ASIC2: variants seen among roughly 807,000 people sequenced by gnomAD.
ASIC2 encodes acid sensing ion channel subunit 2.
A neutral mutation model predicts 57.3 loss-of-function variants in ASIC2; 25 were observed. The ratio of observed to expected loss-of-function variants is 0.44; its 90% CI spans 0.32 to 0.61. ASIC2 has a LOEUF of 0.61. Among genes scored for constraint, ASIC2 ranks in the 20% least tolerant of loss-of-function variants. ASIC2 has a pLI of 0.06. For synonymous variants in ASIC2, 319 were observed against 307.5 expected (o/e 1.04, Z -0.39); for missense variants, 641 against 738.1 (o/e 0.87, Z 1.52).
At chr17:34,010,477 C>T (rs186204213) in intron 1 of ASIC2, among the ~76,000 whole-genome samples, 1 of 152,260 alleles carries the variant, frequency 6.6e-6, no homozygotes, top group Non-Finnish European at 1.5e-5. Flanking sequence ...TCTCTGGGAC[C>T]TTGAGTTATC....
chr17:33,801,312 A>G (rs1014085439), intron 1 of ASIC2, among the ~76,000 whole-genome samples: 2 of 152,224 alleles, frequency 1.3e-5, no homozygotes, highest in Non-Finnish European at 2.9e-5. Flanking sequence ...CGCTGGGACT[A>G]AAATGGATCA....
intron 1 of ASIC2, among the ~76,000 whole-genome samples, chr17:34,119,336 CA>C (rs1911525661): frequency 6.6e-6 from 1 of 152,080 alleles, no homozygotes; most frequent in Non-Finnish European, 1.5e-5. Context: ...ATCTCTTCTA[CA>C]AAGCATTATT....
intron 1 of ASIC2, among the ~76,000 whole-genome samples, chr17:33,607,348 A>G (rs2142013304): frequency 6.6e-6 from 1 of 152,224 alleles, no homozygotes; most frequent in African/African-American, 2.4e-5. Flanking sequence ...GAGGAAACTC[A>G]CATTAGGGAC....
intron 1 of ASIC2, among the ~76,000 whole-genome samples, chr17:34,046,214 C>T (rs1242081698): frequency 6.6e-6 from 1 of 152,160 alleles, no homozygotes; most frequent in Non-Finnish European, 1.5e-5. Context: ...TGAGCCCTAA[C>T]CAATTTACCA....
At chr17:33,064,378 T>C (rs892784679) in intron 3 of ASIC2, among the ~76,000 whole-genome samples, 2 of 152,222 alleles carry the variant, frequency 1.3e-5, no homozygotes, top group Non-Finnish European at 2.9e-5. Flanking sequence ...TCCTTCTAAC[T>C]GTCAGAACCC....
chr17:33,237,353 T>A (rs1446399137), intron 1 of ASIC2, among the ~76,000 whole-genome samples: 3 of 113,252 alleles, frequency 2.6e-5, no homozygotes, highest in Non-Finnish European at 5.0e-5. Flanking sequence ...CACTTAGTAG[T>A]TTTTTTTTTT....
intron 1 of ASIC2, among the ~76,000 whole-genome samples, chr17:33,740,852 A>C (rs1424370128): frequency 6.6e-6 from 1 of 152,178 alleles, no homozygotes; most frequent in East Asian, 1.9e-4. Context: ...ATATAGGAAA[A>C]TGAATCTAGG....
intron 1 of ASIC2, among the ~76,000 whole-genome samples, chr17:33,894,022 G>T (rs1915027224): frequency 6.6e-6 from 1 of 152,162 alleles, no homozygotes; most frequent in Non-Finnish European, 1.5e-5. Flanking sequence ...GATTCCAAAA[G>T]AAGAATTTTG....
intron 1 of ASIC2, among the ~76,000 whole-genome samples, chr17:33,152,311 A>T (rs1904834081): frequency 6.6e-6 from 1 of 152,158 alleles, no homozygotes; most frequent in Non-Finnish European, 1.5e-5. Context: ...TTCTACAAAG[A>T]GTCGAGATGC....
At chr17:33,433,090 GACATGC>G (rs1911475362) in intron 1 of ASIC2, among the ~76,000 whole-genome samples, 1 of 152,142 alleles carries the variant, frequency 6.6e-6, no homozygotes, top group Non-Finnish European at 1.5e-5. Flanking sequence ...CTATCATAAA[GACATGC>G]ACATGTATGT....
chr17:33,968,783 C>T (rs542697060), intron 1 of ASIC2, among the ~76,000 whole-genome samples: 2 of 152,186 alleles, frequency 1.3e-5, no homozygotes, highest in East Asian at 1.9e-4. Flanking sequence ...AGCAGTGAAA[C>T]CACAGCACAG....
At position 33,292,029 on chromosome 17, in the gene ASIC2, G is replaced by T. The variant is rs1264671588; in HGVS notation, c.87C>A (p.Pro29=). 6 of 1,174,354 alleles carry T rather than the reference G, an allele frequency of 5.1e-6. No homozygotes were observed. The Admixed American group carries it at 2.8e-4, about 56-fold the overall frequency. The allele number at this position is 1,174,354 out of a possible 1,614,324, so 72.7% of individuals were successfully genotyped here. A position where few individuals can be genotyped will look rare whatever the true frequency, so the allele number is the denominator to read the frequency against. The change falls in exon 1 of 10, where the codon CCC becomes CCA. Residue 29 remains proline (P), a synonymous_variant. Transcript: ENST00000225823. ...GCTGCCCGGCAGCCGCCAACGCCGCGGGCGCCGGCTCCTCGCGGGCCATGC... is the reference window on the plus strand; with the variant it reads ...GCTGCCCGGCAGCCGCCAACGCCGCTGGCGCCGGCTCCTCGCGGGCCATGC... ...RFRMAREEPA[P]AALAAAGQPG...
At chr17:33,261,096 G>A (rs1215420780) in intron 1 of ASIC2, among the ~76,000 whole-genome samples, 1 of 152,178 alleles carries the variant, frequency 6.6e-6, no homozygotes, top group Non-Finnish European at 1.5e-5. Flanking sequence ...ACTATTGATA[G>A]CAAGTAGCAA....
At chr17:34,076,116 C>T (rs1345618216) in intron 1 of ASIC2, among the ~76,000 whole-genome samples, 4 of 152,060 alleles carry the variant, frequency 2.6e-5, no homozygotes, top group Non-Finnish European at 5.9e-5. Context: ...CATTCTCCTG[C>T]CTCAGCCTTG....
At chr17:33,764,577 C>A (rs73284817) in intron 1 of ASIC2, among the ~76,000 whole-genome samples, 7,216 of 152,200 alleles carry the variant, frequency 0.047, 538 homozygotes, top group African/African-American at 0.16. Flanking sequence ...CATGGGGCAT[C>A]ACATGGCGAG....
intron 1 of ASIC2, among the ~76,000 whole-genome samples, chr17:33,132,576 T>C (rs536640378): frequency 2.2e-4 from 33 of 152,188 alleles, no homozygotes; most frequent in South Asian, 2.1e-4. Flanking sequence ...CTCACACACA[T>C]GCATGCACGT....
intron 1 of ASIC2, among the ~76,000 whole-genome samples, chr17:33,708,077 A>C (rs1274288837): frequency 6.6e-6 from 1 of 152,192 alleles, no homozygotes. Context: ...GTCTCCTGCT[A>C]GATAGGGGAG....
At chr17:33,590,929 A>G (rs1024303790) in intron 1 of ASIC2, among the ~76,000 whole-genome samples, 1 of 152,250 alleles carries the variant, frequency 6.6e-6, no homozygotes, top group Non-Finnish European at 1.5e-5. Flanking sequence ...ACTCAGGAAC[A>G]GCTGTGTGTG....
At chr17:33,578,596 C>G (rs769411519) in intron 1 of ASIC2, among the ~76,000 whole-genome samples, 5 of 152,096 alleles carry the variant, frequency 3.3e-5, no homozygotes, top group Non-Finnish European at 7.4e-5. Context: ...TTTGCCTATT[C>G]TTGGGAAGAT....
Sources: allele counts gnomAD v4.1 joint callset (sites outside exome capture counted in the v4.1 genomes callset), GRCh38; gene constraint gnomAD v4.1.1; transcripts MANE v1.5; gene names NCBI Gene and HGNC (gene_info 2026-07-23, HGNC 2026-07-21).